The following FGF13 variants were observed in gnomAD, a reference collection of about 807,000 sequenced individuals.
FGF13 encodes the protein fibroblast growth factor 13.
Under a neutral mutation model 19.5 loss-of-function variants are expected in FGF13, and 2 were observed. The ratio of observed to expected loss-of-function variants is 0.10; its 90% confidence interval spans 0.04 to 0.32. The LOEUF (loss-of-function observed/expected upper bound fraction) is 0.32. Among genes scored for constraint, FGF13 ranks in the 10% least tolerant of loss-of-function variants. The pLI is 1.00. For missense variants in FGF13, 113 were observed against 192.7 expected (o/e 0.59, Z 2.45); for synonymous variants, 72 against 76.9 (o/e 0.94, Z 0.33).
chrX:139,175,498 T>C (rs1290321108), intron 1 of FGF13, among the ~76,000 whole-genome samples: 1 of 112,402 alleles, frequency 8.9e-6, no homozygotes, highest in Non-Finnish European at 1.9e-5. Context: ...AGGGAATGCT[T>C]CCAGCTTTTG....
intron 1 of FGF13, among the ~76,000 whole-genome samples, chrX:139,078,415 G>A (rs2083346683): frequency 9.0e-6 from 1 of 111,294 alleles, no homozygotes; most frequent in Admixed American, 9.6e-5. Flanking sequence ...CAAGGACAAT[G>A]ACATGATCTA....
At chrX:138,634,190 AT>A (rs370716406) in intron 4 of FGF13, among the ~76,000 whole-genome samples, 1,157 of 108,231 alleles carry the variant, frequency 0.011, 11 homozygotes, top group African/African-American at 0.029. Flanking sequence ...GTGTACACAC[AT>A]TTTTTTTTTC....
chrX:138,761,601 G>A (rs912953149), intron 3 of FGF13, among the ~76,000 whole-genome samples: 10 of 111,415 alleles, frequency 9.0e-5, no homozygotes, highest in Admixed American at 3.8e-4. Context: ...TGAAAGCAGC[G>A]ACTGTGACTA....
chrX:138,717,846 CAA>C (rs1221910116), intron 1 of FGF13, among the ~76,000 whole-genome samples: 5 of 111,271 alleles, frequency 4.5e-5, no homozygotes, highest in African/African-American at 1.6e-4. Flanking sequence ...CTCCTGGCTT[CAA>C]GTGATCCTCC....
At chrX:138,839,866 C>T (rs772167115) in intron 3 of FGF13, among the ~76,000 whole-genome samples, 1 of 111,892 alleles carries the variant, frequency 8.9e-6, no homozygotes, top group Non-Finnish European at 1.9e-5. Context: ...TATTTTTTAA[C>T]ACCTACTGGG....
At chrX:139,101,547 A>G (rs1237074434) in intron 1 of FGF13, among the ~76,000 whole-genome samples, 3 of 112,430 alleles carry the variant, frequency 2.7e-5, no homozygotes, top group Non-Finnish European at 3.8e-5. Context: ...CACAAAAACT[A>G]AAAGAACTAT....
At chrX:138,833,422 A>G (rs957205108) in intron 3 of FGF13, among the ~76,000 whole-genome samples, 1 of 111,780 alleles carries the variant, frequency 8.9e-6, no homozygotes, top group Admixed American at 9.5e-5. Flanking sequence ...TTTTTGTGGC[A>G]ATTGTGAATG....
intron 1 of FGF13, among the ~76,000 whole-genome samples, chrX:139,144,371 C>A (rs1346027033): frequency 8.9e-6 from 1 of 112,289 alleles, no homozygotes; most frequent in Non-Finnish European, 1.9e-5. Flanking sequence ...CTGAGACACT[C>A]CCCTTTTGGG....
chrX:138,763,940 A>G (rs1311530165), intron 3 of FGF13, among the ~76,000 whole-genome samples: 2 of 111,348 alleles, frequency 1.8e-5, no homozygotes, highest in Non-Finnish European at 3.8e-5. Flanking sequence ...AAGAAGCAAG[A>G]GGTTGTCAAC....
At chrX:139,146,178 A>C (rs912301998) in intron 1 of FGF13, among the ~76,000 whole-genome samples, 4 of 112,063 alleles carry the variant, frequency 3.6e-5, no homozygotes, top group East Asian at 5.6e-4. Context: ...CAGAGTGAAC[A>C]GGCAACCTAC....
At chrX:138,839,907 G>A (rs777522944) in intron 3 of FGF13, among the ~76,000 whole-genome samples, 2 of 111,539 alleles carry the variant, frequency 1.8e-5, no homozygotes, top group South Asian at 3.8e-4. Flanking sequence ...TAAAGTCTTT[G>A]AGGCTCAATT....
At chrX:138,739,434 G>GTCACTAATGCC, upstream of FGF13, 1 of 396,360 alleles carries the variant, frequency 2.5e-6, no homozygotes, top group Non-Finnish European at 4.2e-6. Context: ...TCATTAATGG[G>GTCACTAATGCC]CATTAGTGAC....
Position 138,711,329 on chromosome X carries a change from G to C in FGF13, c.-326C>G. ...GCGACTGCGTGTGGTCGGCCCCTGC[G>C]CCCGGCGGACACCGTGCATGTCCAG... On this transcript the variant is annotated 5_prime_UTR_variant, in exon 1 of 5. Transcript: ENST00000315930. 1 of 855,734 alleles carries C rather than the reference G, an allele frequency of 1.2e-6. No homozygotes were observed. Among genetic ancestry groups the C allele is most frequent in the Non-Finnish European group, 1.4e-6 (1 of 697,586 alleles). 70.5% of individuals were successfully genotyped at this position (855,734 alleles called of 1,213,427 possible).
intron 3 of FGF13, among the ~76,000 whole-genome samples, chrX:138,662,744 T>C (rs2089501463): frequency 9.0e-6 from 1 of 111,728 alleles, no homozygotes; most frequent in Non-Finnish European, 1.9e-5. Flanking sequence ...CATGGTGTGC[T>C]AATGGATAAT....
At chrX:138,692,920 C>T (rs895190625) in intron 3 of FGF13, among the ~76,000 whole-genome samples, 12 of 110,600 alleles carry the variant, frequency 1.1e-4, no homozygotes, top group African/African-American at 3.9e-4. Flanking sequence ...TTTTTTTTGT[C>T]AACTTGGCCT....
intron 1 of FGF13, among the ~76,000 whole-genome samples, chrX:139,093,556 A>G (rs922428019): frequency 2.7e-5 from 3 of 111,920 alleles, no homozygotes; most frequent in African/African-American, 9.8e-5. Flanking sequence ...TTACTTCAGG[A>G]TTTGGTCATC....
chrX:139,082,869 A>G (rs1193882279), intron 1 of FGF13, among the ~76,000 whole-genome samples: 5 of 111,804 alleles, frequency 4.5e-5, no homozygotes, highest in Non-Finnish European at 9.4e-5. Context: ...ATATAGGTCT[A>G]TTTGTTTACT....
At chrX:138,985,124 T>C (rs1401121819) in intron 1 of FGF13, 1 of 351,272 alleles carries the variant, frequency 2.8e-6, no homozygotes. Context: ...ATCAACATCC[T>C]CCATTAGGCC....
At chrX:138,906,462 T>C (rs997858312) in intron 1 of FGF13, among the ~76,000 whole-genome samples, 1 of 112,067 alleles carries the variant, frequency 8.9e-6, no homozygotes, top group Non-Finnish European at 1.9e-5. Flanking sequence ...CGTGGGGACA[T>C]AGCAGTGAAC....
Sources: gnomAD v4.1 joint callset for allele counts (sites outside exome capture counted in the v4.1 genomes callset) on GRCh38, gnomAD v4.1.1 for gene constraint, MANE v1.5 for transcripts, NCBI Gene and HGNC (gene_info 2026-07-23, HGNC 2026-07-21) for gene names.